Variants in RALA observed in about 807,000 individuals in gnomAD.
The protein encoded by RALA is RAS like proto-oncogene A.
RALA carries 5 observed loss-of-function variants against 24.0 expected under a neutral mutation model. That is an observed-to-expected ratio of 0.21 (90% CI 0.11 to 0.44). The LOEUF is 0.44. Among genes scored for constraint, RALA ranks in the 20% least tolerant of loss-of-function variants. The probability of loss-of-function intolerance (pLI) is 0.99; values close to 1 mark genes in which losing one functional copy is unlikely to be tolerated. For missense variants in RALA, 95 were observed against 241.2 expected (o/e 0.39, Z 4.01); for synonymous variants, 77 against 83.8 (o/e 0.92, Z 0.44).
At chr7:39,701,779 C>T (rs1302449682) in intron 4 of RALA, among the ~76,000 whole-genome samples, 3 of 152,168 alleles carry the variant, frequency 2.0e-5, no homozygotes, top group African/African-American at 7.2e-5. Context: ...GAAAAAGTGT[C>T]ATAGCCACCA....
At chr7:39,699,987 C>T (rs1023366928) in intron 4 of RALA, among the ~76,000 whole-genome samples, 3 of 152,026 alleles carry the variant, frequency 2.0e-5, no homozygotes, top group Non-Finnish European at 2.9e-5. Context: ...CCTGCATATG[C>T]GGAGGGCTGG....
At position 39,696,676 on chromosome 7, in the gene RALA, C is replaced by G. The variant is rs1216737372; in HGVS notation, c.324-9C>G. 8.2e-6 allele frequency: 13 copies of G among 1,576,598 alleles called. No individual in the cohort carries two copies. The highest frequency in any genetic ancestry group is 1.0e-5 in the Non-Finnish European group (12 of 1,160,284). Reference sequence around the variant, plus strand: ...TGTTAATATTTCTTTTTCATTTTCTCTTATCCAGGGAGCAGATTTTAAGAG... The same window carrying G: ...TGTTAATATTTCTTTTTCATTTTCTGTTATCCAGGGAGCAGATTTTAAGAG... On this transcript the variant is annotated splice_polypyrimidine_tract_variant and intron_variant, in intron 3 of 4. Coordinates refer to ENST00000005257, the MANE Select transcript of RALA (RefSeq NM_005402.4).
intron 1 of RALA, among the ~76,000 whole-genome samples, chr7:39,666,871 A>G (rs17417049): frequency 0.31 from 47,411 of 152,060 alleles, 8,182 homozygotes; most frequent in Non-Finnish European, 0.4. Flanking sequence ...AATAATGTCA[A>G]TGCTTAATTT....
chr7:39,661,574 A>G (rs1792191402), intron 1 of RALA, among the ~76,000 whole-genome samples: 1 of 152,194 alleles, frequency 6.6e-6, no homozygotes, highest in Non-Finnish European at 1.5e-5. Context: ...ATCCAAAATG[A>G]TCTCCTTTGA....
At chr7:39,635,196 G>A (rs1791667856) in intron 1 of RALA, among the ~76,000 whole-genome samples, 1 of 152,004 alleles carries the variant, frequency 6.6e-6, no homozygotes, top group African/African-American at 2.4e-5. Flanking sequence ...AATTAGCCAA[G>A]CATCTCTACA....
intron 1 of RALA, among the ~76,000 whole-genome samples, chr7:39,667,916 T>C (rs1792312475): frequency 6.6e-6 from 1 of 152,184 alleles, no homozygotes; most frequent in Non-Finnish European, 1.5e-5. Flanking sequence ...TAAAGTGTCT[T>C]CCTGATCTGT....
intron 3 of RALA, among the ~76,000 whole-genome samples, chr7:39,693,130 G>A (rs760068150): frequency 8.5e-5 from 13 of 152,152 alleles, no homozygotes; most frequent in Non-Finnish European, 1.9e-4. Context: ...TATGTTTACT[G>A]CGGCACTACT....
intron 4 of RALA, among the ~76,000 whole-genome samples, chr7:39,698,556 A>T (rs1792961727): frequency 6.6e-6 from 1 of 152,244 alleles, no homozygotes; most frequent in African/African-American, 2.4e-5. Flanking sequence ...ATGAAAATAT[A>T]TGTTAAGATT....
intron 1 of RALA, among the ~76,000 whole-genome samples, chr7:39,636,830 G>A (rs1311116434): frequency 6.6e-6 from 1 of 152,120 alleles, no homozygotes; most frequent in Non-Finnish European, 1.5e-5. Context: ...TCTCATTATG[G>A]TGGAGCAGGA....
chr7:39,665,440 TAGTTA>T (rs1188841308), intron 1 of RALA, among the ~76,000 whole-genome samples: 11 of 152,232 alleles, frequency 7.2e-5, no homozygotes, highest in African/African-American at 2.2e-4. Flanking sequence ...TAAGCATTTG[TAGTTA>T]AGTTTTGGGG....
Position 39,706,814 on chromosome 7 carries a change from A to C in RALA, c.*569A>C, listed in dbSNP as rs1010899940. On this transcript the variant is annotated 3_prime_UTR_variant, in exon 5 of 5. Coordinates refer to ENST00000005257, the MANE Select transcript of RALA (RefSeq NM_005402.4). Reference sequence around the variant, plus strand: ...TGAGTAACTTAGAAAAGTGGTGTAAACTTGTACATGGAATTTTTTGAATAT... The same window carrying C: ...TGAGTAACTTAGAAAAGTGGTGTAACCTTGTACATGGAATTTTTTGAATAT... 4 of 152,722 alleles carry C rather than the reference A, an allele frequency of 2.6e-5. No homozygotes were observed. Among genetic ancestry groups the C allele is most frequent in the African/African-American group, 9.7e-5 (4 of 41,444 alleles). 9.5% of individuals were successfully genotyped at this position (152,722 alleles called of 1,614,324 possible).
At chr7:39,659,888 T>A (rs762914088) in intron 1 of RALA, among the ~76,000 whole-genome samples, 2 of 152,082 alleles carry the variant, frequency 1.3e-5, no homozygotes, top group Non-Finnish European at 2.9e-5. Context: ...TACAGATAAG[T>A]TTAGTGTGGC....
chr7:39,649,885 A>G (rs1184672928), intron 1 of RALA, among the ~76,000 whole-genome samples: 2 of 152,210 alleles, frequency 1.3e-5, no homozygotes, highest in Admixed American at 6.5e-5. Context: ...GGGAGTGATG[A>G]TCTGGGTCAG....
chr7:39,688,396 T>TA lies in RALA; in HGVS notation c.114+1628dup, dbSNP rs60727230. On this transcript the variant is annotated intron_variant, in intron 2 of 4. Coordinates refer to ENST00000005257, the MANE Select transcript of RALA (RefSeq NM_005402.4). ...ACAACAGAGCAAGACCCCTGTCTCT[T>TA]AAAAAAAAAAAAAGTTTGTGGAGAG... Among the ~76,000 whole-genome samples the TA allele has an allele frequency of 2.0e-4, 29 of 147,998 alleles. No individual in the cohort carries two copies. The East Asian group carries it at 2.2e-3, about 11-fold the overall frequency.
At chr7:39,658,419 T>C (rs1236726238) in intron 1 of RALA, among the ~76,000 whole-genome samples, 1 of 152,224 alleles carries the variant, frequency 6.6e-6, no homozygotes. Flanking sequence ...TTGGATATTT[T>C]TATCCCCTAG....
At chr7:39,643,266 A>G (rs900425472) in intron 1 of RALA, among the ~76,000 whole-genome samples, 3 of 152,242 alleles carry the variant, frequency 2.0e-5, no homozygotes, top group Non-Finnish European at 4.4e-5. Flanking sequence ...GCATAAGAGA[A>G]TAATTAGGTT....
chr7:39,629,003 C>T (rs551666080), intron 1 of RALA, among the ~76,000 whole-genome samples: 7 of 152,312 alleles, frequency 4.6e-5, no homozygotes, highest in African/African-American at 1.7e-4. Flanking sequence ...ATAGTTTTCT[C>T]GACTAATGTC....
chr7:39,634,398 G>A (rs990289685), intron 1 of RALA, among the ~76,000 whole-genome samples: 2 of 152,178 alleles, frequency 1.3e-5, no homozygotes, highest in Admixed American at 6.5e-5. Flanking sequence ...ATCTTGTCCT[G>A]TGGTACATGC....
chr7:39,647,335 G>A (rs751636972), intron 1 of RALA, among the ~76,000 whole-genome samples: 4 of 152,076 alleles, frequency 2.6e-5, no homozygotes, highest in Non-Finnish European at 4.4e-5. Flanking sequence ...GAGCCACCAC[G>A]CCTGGCTGCA....
Sources: allele counts gnomAD v4.1 joint callset (sites outside exome capture counted in the v4.1 genomes callset), GRCh38; gene constraint gnomAD v4.1.1; transcripts MANE v1.5; gene names NCBI Gene and HGNC (gene_info 2026-07-23, HGNC 2026-07-21).